The following QTMAN variants were observed in gnomAD, a reference collection of about 807,000 sequenced individuals.
QTMAN encodes tRNA-queuosine alpha-mannosyltransferase.
chr2:144,075,918 G>C, the QTMAN span, among the ~76,000 whole-genome samples: 1 of 152,182 alleles, frequency 6.6e-6, no homozygotes, highest in Non-Finnish European at 1.5e-5. Context: ...ATAAATGATA[G>C]GCAACTGCTC....
At chr2:143,972,261 T>C in the QTMAN span, among the ~76,000 whole-genome samples, 3 of 152,276 alleles carry the variant, frequency 2.0e-5, no homozygotes, top group East Asian at 5.8e-4. Context: ...TATACAATGT[T>C]CTTTTAGTCT....
At chr2:144,194,688 T>C in the QTMAN span, among the ~76,000 whole-genome samples, 3 of 152,208 alleles carry the variant, frequency 2.0e-5, no homozygotes, top group Non-Finnish European at 4.4e-5. Flanking sequence ...GAAGGCATTC[T>C]TGGTTAGATG....
the QTMAN span, among the ~76,000 whole-genome samples, chr2:144,073,600 G>A: frequency 3.3e-5 from 5 of 152,156 alleles, no homozygotes; most frequent in African/African-American, 4.8e-5. Context: ...AAGCAACCTG[G>A]TAGGGTCTCC....
At chr2:144,046,350 C>T in the QTMAN span, among the ~76,000 whole-genome samples, 2 of 152,098 alleles carry the variant, frequency 1.3e-5, no homozygotes, top group African/African-American at 4.8e-5. Context: ...TTATGTTTTT[C>T]ATTATTGTTT....
At chr2:144,115,892 G>C in the QTMAN span, among the ~76,000 whole-genome samples, 3 of 152,078 alleles carry the variant, frequency 2.0e-5, no homozygotes, top group Non-Finnish European at 4.4e-5. Flanking sequence ...AGAGATGGCA[G>C]GGCAAACTGC....
the QTMAN span, among the ~76,000 whole-genome samples, chr2:144,014,692 A>C: frequency 2.6e-5 from 4 of 152,204 alleles, no homozygotes; most frequent in East Asian, 7.7e-4. Flanking sequence ...TGTTAAAAAG[A>C]GAAGCTTTAG....
chr2:144,272,723 GTA>G, the QTMAN span, among the ~76,000 whole-genome samples: 2 of 152,068 alleles, frequency 1.3e-5, no homozygotes, highest in Admixed American at 6.6e-5. Flanking sequence ...GTGTGTGTGT[GTA>G]TGTGTGTGTG....
chr2:144,272,874 G>C, the QTMAN span, among the ~76,000 whole-genome samples: 2 of 152,066 alleles, frequency 1.3e-5, no homozygotes, highest in African/African-American at 4.8e-5. Context: ...AGAAGGTTCT[G>C]ACATCTGAAC....
the QTMAN span, among the ~76,000 whole-genome samples, chr2:144,210,026 G>A: frequency 7.0e-6 from 1 of 142,946 alleles, no homozygotes; most frequent in African/African-American, 2.5e-5. Context: ...CATTTGGGAG[G>A]ATGGGGGAAT....
the QTMAN span, among the ~76,000 whole-genome samples, chr2:144,104,385 T>C: frequency 6.6e-6 from 1 of 152,166 alleles, no homozygotes; most frequent in Non-Finnish European, 1.5e-5. Flanking sequence ...GGATGGCACC[T>C]GGAAAATCGG....
chr2:144,007,543 A>C, the QTMAN span: 1 of 1,523,370 alleles, frequency 6.6e-7, no homozygotes, highest in Non-Finnish European at 8.8e-7. Context: ...AATCTGTTAC[A>C]AAAAAAGAAT....
chr2:144,024,911 C>T, the QTMAN span, among the ~76,000 whole-genome samples: 2 of 151,876 alleles, frequency 1.3e-5, no homozygotes, highest in African/African-American at 4.9e-5. Context: ...AATTAGAAAG[C>T]ATCTGTGATA....
the QTMAN span, among the ~76,000 whole-genome samples, chr2:144,062,259 C>G: frequency 6.6e-6 from 1 of 152,212 alleles, no homozygotes; most frequent in Non-Finnish European, 1.5e-5. Context: ...GTGTGCTCCC[C>G]TTCCCGTAAG....
the QTMAN span, among the ~76,000 whole-genome samples, chr2:144,277,572 T>C: frequency 5.9e-5 from 9 of 152,144 alleles, no homozygotes; most frequent in Non-Finnish European, 1.2e-4. Context: ...AAAAATAAAA[T>C]TTATATACTA....
the QTMAN span, among the ~76,000 whole-genome samples, chr2:144,139,346 G>A: frequency 2.2e-4 from 34 of 151,950 alleles, no homozygotes; most frequent in Non-Finnish European, 1.2e-4. Flanking sequence ...GGAGCGGGGC[G>A]GGTAACAAGA....
the QTMAN span, among the ~76,000 whole-genome samples, chr2:144,133,685 T>C: frequency 6.8e-6 from 1 of 147,734 alleles, no homozygotes; most frequent in Non-Finnish European, 1.5e-5. Context: ...AGATTTATAT[T>C]AGATATAAAG....
chr2:144,100,790 TC>T, the QTMAN span, among the ~76,000 whole-genome samples: 1 of 152,024 alleles, frequency 6.6e-6, no homozygotes, highest in Non-Finnish European at 1.5e-5. Context: ...ATTCAGGAAT[TC>T]CTTGAAAAGA....
the QTMAN span, among the ~76,000 whole-genome samples, chr2:144,228,890 G>T: frequency 6.6e-6 from 1 of 152,064 alleles, no homozygotes; most frequent in Admixed American, 6.6e-5. Context: ...CCCGGGAGGC[G>T]GAGGTTGTGG....
the QTMAN span, among the ~76,000 whole-genome samples, chr2:144,291,902 C>T: frequency 2.0e-5 from 3 of 152,200 alleles, no homozygotes; most frequent in Non-Finnish European, 4.4e-5. Flanking sequence ...AAGAAACCAA[C>T]TGCTTTGGAA....
Sources: gnomAD v4.1 joint callset for allele counts (sites outside exome capture counted in the v4.1 genomes callset) on GRCh38, gnomAD v4.1.1 for gene constraint, MANE v1.5 for transcripts, NCBI Gene and HGNC (gene_info 2026-07-23, HGNC 2026-07-21) for gene names.